The following ACTR3C variants were observed in gnomAD, a reference collection of about 807,000 sequenced individuals.
ACTR3C encodes actin related protein 3C.
ACTR3C carries 18 observed loss-of-function variants against 26.3 expected under a neutral mutation model. The observed-to-expected ratio is 0.68, with a 90% CI of 0.47 to 1.01. ACTR3C has a LOEUF of 1.01. Among genes scored for constraint, ACTR3C ranks in the 50% least tolerant of loss-of-function variants. The pLI is 0.00. For missense variants in ACTR3C, 184 were observed against 250.7 expected (o/e 0.73, Z 1.80); for synonymous variants, 55 against 94.5 (o/e 0.58, Z 2.42).
chr7:149,922,362 G>T, the ACTR3C span, among the ~76,000 whole-genome samples: 2 of 144,956 alleles, frequency 1.4e-5, no homozygotes, highest in African/African-American at 5.0e-5. Flanking sequence ...CAAAGTCAAA[G>T]AACATAATGA....
chr7:150,316,122 G>A lies in ACTR3C; in HGVS notation c.-52+7347C>T, dbSNP rs535873897. Among the ~76,000 whole-genome samples, 47 of 152,256 alleles carry A rather than the reference G, an allele frequency of 3.1e-4. No homozygotes were observed. In the East Asian group the frequency reaches 8.3e-3, roughly 27 times the overall value. The stretch of plus-strand genomic sequence containing the variant: ...TAAGGCAGGATAATTGCCTGAACCC[G>A]GGAGGTGGAGGTTGCAGTGAGCCGA... On this transcript the variant is annotated intron_variant, in intron 1 of 7. Coordinates refer to ENST00000683684, the MANE Select transcript of ACTR3C (RefSeq NM_001164458.2).
chr7:150,193,830 G>C, the ACTR3C span, among the ~76,000 whole-genome samples: 1 of 151,726 alleles, frequency 6.6e-6, no homozygotes, highest in Non-Finnish European at 1.5e-5. Flanking sequence ...TTATGGCCCA[G>C]AATATAGTCT....
At chr7:150,115,236 C>T in the ACTR3C span, among the ~76,000 whole-genome samples, 3 of 152,160 alleles carry the variant, frequency 2.0e-5, no homozygotes, top group African/African-American at 4.8e-5. Flanking sequence ...TGACAAACCC[C>T]AACTCTTTCA....
the ACTR3C span, among the ~76,000 whole-genome samples, chr7:150,206,419 A>AT: frequency 6.6e-6 from 1 of 151,602 alleles, no homozygotes; most frequent in African/African-American, 2.4e-5. Flanking sequence ...TTATTTTATT[A>AT]TTATTTTTTT....
the ACTR3C span, among the ~76,000 whole-genome samples, chr7:150,134,855 T>C: frequency 6.6e-6 from 1 of 152,252 alleles, no homozygotes; most frequent in African/African-American, 2.4e-5. Context: ...AACTTCATCA[T>C]CATCAAGTTT....
the ACTR3C span, among the ~76,000 whole-genome samples, chr7:150,199,092 C>T: frequency 4.6e-5 from 7 of 150,778 alleles, no homozygotes; most frequent in Non-Finnish European, 1.0e-4. Context: ...GCCGCCCCCC[C>T]GTCTGGGAGG....
intron 4 of ACTR3C, among the ~76,000 whole-genome samples, chr7:150,288,912 A>G (rs1425855651): frequency 6.6e-6 from 1 of 151,598 alleles, no homozygotes; most frequent in Non-Finnish European, 1.5e-5. Flanking sequence ...CTCAGTTACG[A>G]GGTGCTGAGA....
chr7:149,959,739 G>A, the ACTR3C span, among the ~76,000 whole-genome samples: 5 of 152,158 alleles, frequency 3.3e-5, no homozygotes, highest in African/African-American at 9.7e-5. Flanking sequence ...AAGGTTTTAT[G>A]GTCATTTATC....
At chr7:150,018,520 G>A in the ACTR3C span, among the ~76,000 whole-genome samples, 9 of 148,980 alleles carry the variant, frequency 6.0e-5, 1 homozygote, top group African/African-American at 1.0e-4. Flanking sequence ...CTAAAACCAG[G>A]TGGGTTTCCT....
At chr7:150,137,049 C>T in the ACTR3C span, among the ~76,000 whole-genome samples, 1 of 152,304 alleles carries the variant, frequency 6.6e-6, no homozygotes, top group East Asian at 1.9e-4. Context: ...GAATCGAATG[C>T]CACCCCTGAT....
downstream of ACTR3C, chr7:150,245,766 T>C (rs1832430247): frequency 6.6e-6 from 1 of 152,210 alleles, no homozygotes; most frequent in East Asian, 1.9e-4. Context: ...ATACAGACCT[T>C]CAGAGCTATT....
the ACTR3C span, among the ~76,000 whole-genome samples, chr7:149,889,351 A>C: frequency 3.3e-5 from 5 of 152,224 alleles, no homozygotes; most frequent in African/African-American, 7.2e-5. Flanking sequence ...AAAAGGGAAA[A>C]ATTTTCTAAA....
chr7:150,039,816 G>C, the ACTR3C span, among the ~76,000 whole-genome samples: 3 of 134,594 alleles, frequency 2.2e-5, no homozygotes, highest in Non-Finnish European at 5.1e-5. Flanking sequence ...CCTGCCTCGC[G>C]GGGGGTGCCT....
At chr7:150,078,213 CT>C in the ACTR3C span, among the ~76,000 whole-genome samples, 1 of 151,374 alleles carries the variant, frequency 6.6e-6, no homozygotes, top group African/African-American at 2.4e-5. Flanking sequence ...GTTTCTTCCC[CT>C]TTTTTTTCTA....
At chr7:150,034,087 C>CT in the ACTR3C span, among the ~76,000 whole-genome samples, 1 of 151,492 alleles carries the variant, frequency 6.6e-6, no homozygotes, top group African/African-American at 2.4e-5. Context: ...TGCCTCCCAC[C>CT]CCGCGATGCA....
At chr7:150,279,647 T>G (rs2129611781) in intron 6 of ACTR3C, among the ~76,000 whole-genome samples, 1 of 152,134 alleles carries the variant, frequency 6.6e-6, no homozygotes, top group East Asian at 1.9e-4. Flanking sequence ...CCCACTCTCC[T>G]TCTATCTGCG....
intron 6 of ACTR3C, among the ~76,000 whole-genome samples, chr7:150,282,800 C>T (rs1010430172): frequency 1.1e-4 from 15 of 139,740 alleles, no homozygotes; most frequent in East Asian, 2.0e-4. Context: ...CGCTTGAGCC[C>T]GAGAGGTCGA....
chr7:149,938,733 G>A, the ACTR3C span, among the ~76,000 whole-genome samples: 1 of 151,886 alleles, frequency 6.6e-6, no homozygotes, highest in Non-Finnish European at 1.5e-5. Context: ...TATACAAAAA[G>A]AGAACGTAAT....
the ACTR3C span, among the ~76,000 whole-genome samples, chr7:150,007,827 T>TA: frequency 2.6e-5 from 4 of 151,956 alleles, no homozygotes; most frequent in African/African-American, 9.7e-5. Flanking sequence ...AACACAGTAT[T>TA]GTGAGACAAT....
Sources: allele counts gnomAD v4.1 joint callset (sites outside exome capture counted in the v4.1 genomes callset), GRCh38; gene constraint gnomAD v4.1.1; transcripts MANE v1.5; gene names NCBI Gene and HGNC (gene_info 2026-07-23, HGNC 2026-07-21).